ANKRD46: variants seen among roughly 807,000 people sequenced by gnomAD.
ANKRD46 encodes the protein ankyrin repeat domain 46, also known as ankyrin repeat domain-containing protein 46.
A neutral mutation model predicts 19.8 loss-of-function variants in ANKRD46; 13 were observed. That is an observed-to-expected ratio of 0.66 (90% CI 0.43 to 1.04). The LOEUF (loss-of-function observed/expected upper bound fraction) is 1.04. ANKRD46 is among the 50% of genes least tolerant of loss of function. The pLI is 0.00. For missense variants in ANKRD46, 185 were observed against 274.8 expected, an observed-to-expected ratio of 0.67 and a Z score of 2.31; for synonymous variants, 91 against 106.9, an observed-to-expected ratio of 0.85 and a Z score of 0.92.
chr8:100,517,176 T>C (rs886559131), downstream of ANKRD46, among the ~76,000 whole-genome samples: 1 of 152,142 alleles, frequency 6.6e-6, no homozygotes, highest in African/African-American at 2.4e-5. Flanking sequence ...ATTAGCACAG[T>C]TCAAGTACCC....
intron 5 of ANKRD46, among the ~76,000 whole-genome samples, chr8:100,512,280 G>A (rs1291236496): frequency 6.6e-6 from 1 of 152,186 alleles, no homozygotes; most frequent in African/African-American, 2.4e-5. Context: ...CAAGGCAGCT[G>A]CTTACCTTCA....
chr8:100,515,148 G>A (rs932012960), intron 5 of ANKRD46, among the ~76,000 whole-genome samples: 4 of 152,014 alleles, frequency 2.6e-5, no homozygotes, highest in Admixed American at 2.6e-4. Flanking sequence ...TAATCCCAGG[G>A]CTTAAGTTGA....
chr8:100,516,490 T>C (rs1811632444), downstream of ANKRD46, among the ~76,000 whole-genome samples: 1 of 152,172 alleles, frequency 6.6e-6, no homozygotes. Context: ...CTAATAGCTA[T>C]CTAACTATCC....
rs2130653198 is a variant in ANKRD46 at position 100,527,703 on chromosome 8, A to G, written c.470+142T>C. ...ATACTTAAAGTGACTTTCCCCTTAA[A>G]AAATCGTATTATCTTGCTGGGTGTG... On this transcript the variant is annotated intron_variant, in intron 4 of 4. Transcript: ENST00000335659. This position sits in a 1 kb window ranked among gnomAD's most constrained non-coding sequence, Gnocchi z 4.0. 1.3e-6 allele frequency: 1 copy of G among 783,874 alleles called. No individual in the cohort carries two copies. The highest frequency in any genetic ancestry group is 1.9e-6 in the Non-Finnish European group (1 of 529,704). The allele number at this position is 783,874 out of a possible 1,614,324, so 48.6% of individuals were successfully genotyped here.
rs7017041 is a variant in ANKRD46, at chr8:100,520,779, A to G, written c.*1776T>C. ...AAAAAAGAGAAATCGTGATTAAGGG[A>G]TATATAAATACATTTATTGGTGGTA... On this transcript the variant is annotated 3_prime_UTR_variant, in exon 5 of 5. Coordinates refer to ENST00000335659, the MANE Select transcript of ANKRD46 (RefSeq NM_001270377.2). 3 of 919,244 alleles carry G rather than the reference A, an allele frequency of 3.3e-6. No individual in the cohort carries two copies. Among genetic ancestry groups the G allele is most frequent in the Non-Finnish European group, 3.9e-6 (3 of 771,390 alleles). 56.9% of individuals were successfully genotyped at this position (919,244 alleles called of 1,614,324 possible).
At chr8:100,531,010 G>A (rs990458385) in intron 2 of ANKRD46, among the ~76,000 whole-genome samples, 5 of 152,118 alleles carry the variant, frequency 3.3e-5, no homozygotes, top group African/African-American at 7.2e-5. Context: ...CCCCACTGGC[G>A]CACCTGAACT....
At chr8:100,526,236 TA>T (rs1811839642) in intron 4 of ANKRD46, among the ~76,000 whole-genome samples, 1 of 152,176 alleles carries the variant, frequency 6.6e-6, no homozygotes, top group Non-Finnish European at 1.5e-5. Flanking sequence ...CACTTCTTAG[TA>T]AGTAATCACA....
chr8:100,520,119 G>A (rs1358584256), downstream of ANKRD46, among the ~76,000 whole-genome samples: 1 of 152,148 alleles, frequency 6.6e-6, no homozygotes, highest in African/African-American at 2.4e-5. Context: ...GGAAAGGAGG[G>A]GTTGGGAAGG....
chr8:100,517,092 G>T (rs1436081147), downstream of ANKRD46, among the ~76,000 whole-genome samples: 1 of 152,190 alleles, frequency 6.6e-6, no homozygotes, highest in Non-Finnish European at 1.5e-5. Flanking sequence ...CATTTGTGAA[G>T]ATTGAGTTAA....
At chr8:100,509,899 TG>T (rs1811523686) in exon 6 of ANKRD46, 1 of 152,262 alleles carries the variant, frequency 6.6e-6, no homozygotes, top group Non-Finnish European at 1.5e-5. Flanking sequence ...AACTTGCCAC[TG>T]GGTCACGGAG....
rs1811969649 is a variant in ANKRD46, at chr8:100,531,870, G to A, written c.-28+1339C>T. 2.6e-5 allele frequency among the ~76,000 whole-genome samples: 4 copies of A among 152,288 alleles called. No homozygotes were observed. The South Asian group carries it at 8.3e-4, about 32-fold the overall frequency. ...AGTCTTTCAGAAAGATGACTTGGAT[G>A]GCAATATGGAGGCACTGGATTGTAG... On this transcript the variant is annotated intron_variant, in intron 2 of 4. Transcript: ENST00000335659.
At position 100,543,836 on chromosome 8, in the gene ANKRD46, A is replaced by T. The variant is rs991998495; in HGVS notation, c.-130-10525T>A. ...CTTCTTCAGTGATACTATCAAAATA[A>T]ATCTATTCCAAATACATCTAAATAT... On this transcript the variant is annotated intron_variant, in intron 1 of 4. Coordinates refer to ENST00000335659, the MANE Select transcript of ANKRD46 (RefSeq NM_001270377.2). The surrounding 1 kb of genome is among the most constrained non-coding windows in gnomAD (Gnocchi z 4.2). 6.6e-6 allele frequency among the ~76,000 whole-genome samples: 1 copy of T among 152,332 alleles called. No homozygotes were observed. The highest frequency in any genetic ancestry group is 2.1e-4 in the South Asian group (1 of 4,824).
chr8:100,510,246 C>CGGCA lies in ANKRD46; in HGVS notation c.*327_*330dup, dbSNP rs1811529482. On this transcript the variant is annotated 3_prime_UTR_variant, in exon 6 of 6. Coordinates refer to the ANKRD46 transcript ENST00000520552. This position sits in a 1 kb window ranked among gnomAD's most constrained non-coding sequence, Gnocchi z 4.9. The stretch of plus-strand genomic sequence containing the variant: ...CTGGGAGTTGTCATTTCAGACACCA[C>CGGCA]GGCAGCCTTTTGTTCAAGATCAAAT... 3.7e-6 allele frequency: 1 copy of CGGCA among 269,832 alleles called. No homozygotes were observed. Among genetic ancestry groups the CGGCA allele is most frequent in the East Asian group, 6.4e-5 (1 of 15,718 alleles). The allele number at this position is 269,832 out of a possible 1,614,324, so 16.7% of individuals were successfully genotyped here.
Position 100,521,767 on chromosome 8 carries a change from T to G in ANKRD46, c.*788A>C. ...CAGAATTATTTTTCCCTGCTAACTA[T>G]TCAGTAGAAAAAGGATTTTCTGACT... On this transcript the variant is annotated 3_prime_UTR_variant, in exon 5 of 5. Transcript: ENST00000335659. The G allele has an allele frequency of 1.0e-6, 1 of 985,354 alleles. No individual in the cohort carries two copies. The highest frequency in any genetic ancestry group is 1.2e-6 in the Non-Finnish European group (1 of 829,870). The allele number at this position is 985,354 out of a possible 1,614,324, so 61.0% of individuals were successfully genotyped here. A position where few individuals can be genotyped will look rare whatever the true frequency, so the allele number is the denominator to read the frequency against.
chr8:100,520,637 G>T (rs1811705092), downstream of ANKRD46: 1 of 240,838 alleles, frequency 4.2e-6, no homozygotes, highest in Non-Finnish European at 6.6e-6. Context: ...AAACATATAT[G>T]AAACTCAATA....
In ANKRD46 at chr8:100,537,269, A is replaced by G. The variant is rs1291658260; in HGVS notation, c.-130-3958T>C. Among the ~76,000 whole-genome samples the G allele has an allele frequency of 6.6e-6, 1 of 152,230 alleles. No individual in the cohort carries two copies. Among genetic ancestry groups the G allele is most frequent in the South Asian group, 2.1e-4 (1 of 4,832 alleles). On this transcript the variant is annotated intron_variant, in intron 1 of 4. Transcript: ENST00000335659. This position sits in a 1 kb window ranked among gnomAD's most constrained non-coding sequence, Gnocchi z 4.2. ...TTTTGAAAGGCCATTTGGAAAGGGAAGACTAAGTACCACATTCTTGCTTCA... is the reference window on the plus strand; with the variant it reads ...TTTTGAAAGGCCATTTGGAAAGGGAGGACTAAGTACCACATTCTTGCTTCA...
At position 100,527,850 on chromosome 8, in the gene ANKRD46, A is replaced by G. The variant is rs559631425; in HGVS notation, c.465T>C (p.Ser155=). Residue 155 remains serine (S), a synonymous_variant, in exon 4 of 5, where the codon AGT becomes AGC. Coordinates refer to ENST00000335659, the MANE Select transcript of ANKRD46 (RefSeq NM_001270377.2). This position sits in a 1 kb window ranked among gnomAD's most constrained non-coding sequence, Gnocchi z 4.0. Reference sequence around the variant, plus strand: ...AAAAGTTGTATCTCCAGTACCTTTCACTCTCAGCTGTTTGCATGGTCTCCA... The same window carrying G: ...AAAAGTTGTATCTCCAGTACCTTTCGCTCTCAGCTGTTTGCATGGTCTCCA... ...SKLETMQTAE[S]ESAMESHSLL... 9.9e-6 allele frequency: 16 copies of G among 1,612,556 alleles called. No homozygotes were observed. In the Admixed American group the frequency reaches 1.5e-4, roughly 15 times the overall value.
In ANKRD46 at chr8:100,521,555, T is replaced by C; in HGVS notation, c.*1000A>G. ...CTGTCCAGCACTGTTAACTCAGAAATGCTCCATCCATTCTTGCCATCAGAG... is the reference window on the plus strand; with the variant it reads ...CTGTCCAGCACTGTTAACTCAGAAACGCTCCATCCATTCTTGCCATCAGAG... On this transcript the variant is annotated 3_prime_UTR_variant, in exon 5 of 5. Transcript: ENST00000335659. 4 of 985,438 alleles carry C rather than the reference T, an allele frequency of 4.1e-6. No homozygotes were observed. The highest frequency in any genetic ancestry group is 4.8e-6 in the Non-Finnish European group (4 of 829,932). 61.0% of individuals were successfully genotyped at this position (985,438 alleles called of 1,614,324 possible). A position where few individuals can be genotyped will look rare whatever the true frequency, so the allele number is the denominator to read the frequency against.
intron 1 of ANKRD46, among the ~76,000 whole-genome samples, chr8:100,553,258 T>A (rs1812429236): frequency 6.6e-6 from 1 of 152,146 alleles, no homozygotes; most frequent in African/African-American, 2.4e-5. Flanking sequence ...TTAAAAAAAA[T>A]CAGCATTAAC....
Sources: allele counts gnomAD v4.1 joint callset (sites outside exome capture counted in the v4.1 genomes callset), GRCh38; gene constraint gnomAD v4.1.1; non-coding constraint Gnocchi (gnomAD v3.1); transcripts MANE v1.5; gene names NCBI Gene and HGNC (gene_info 2026-07-23, HGNC 2026-07-21).